The following NRG1 variants were observed in gnomAD, a reference collection of about 807,000 sequenced individuals.
NRG1 encodes the protein pro-neuregulin-1, membrane-bound isoform.
In NRG1, 18 loss-of-function variants were observed where a neutral mutation model predicts 63.8. The ratio of observed to expected loss-of-function variants is 0.28; its 90% confidence interval spans 0.19 to 0.42. The LOEUF (loss-of-function observed/expected upper bound fraction) is 0.42. Among genes scored for constraint, NRG1 ranks in the 10% least tolerant of loss-of-function variants. The probability of loss-of-function intolerance (pLI) is 1.00; values close to 1 mark genes in which losing one functional copy is unlikely to be tolerated. For synonymous variants in NRG1, 302 were observed against 301.3 expected (o/e 1.00, Z -0.02); for missense variants, 762 against 814.7 (o/e 0.94, Z 0.79).
At chr8:31,899,943 A>G (rs973969661) in intron 1 of NRG1, among the ~76,000 whole-genome samples, 1 of 152,186 alleles carries the variant, frequency 6.6e-6, no homozygotes, top group South Asian at 2.1e-4. Context: ...TTTATCTCCA[A>G]TGGGTCTTTG....
chr8:32,380,876 A>C (rs1401387497), intron 1 of NRG1, among the ~76,000 whole-genome samples: 1 of 152,194 alleles, frequency 6.6e-6, no homozygotes, highest in African/African-American at 2.4e-5. Flanking sequence ...TGGGATATCC[A>C]TCACCTTTTA....
chr8:32,737,057 G>A (rs1825252523), intron 6 of NRG1, among the ~76,000 whole-genome samples: 1 of 152,250 alleles, frequency 6.6e-6, no homozygotes, highest in South Asian at 2.1e-4. Context: ...TTATACTGGT[G>A]CTGGGCAGAA....
At chr8:32,514,162 T>A (rs920104656) in intron 1 of NRG1, among the ~76,000 whole-genome samples, 4 of 150,394 alleles carry the variant, frequency 2.7e-5, no homozygotes, top group Non-Finnish European at 5.9e-5. Context: ...CAAAGAAAAA[T>A]TGTTGTAAAC....
At position 31,791,489 on chromosome 8, in the gene NRG1, G is replaced by A. The variant is rs543990576; in HGVS notation, c.37+152058G>A. The stretch of plus-strand genomic sequence containing the variant: ...TTAAACATATTCCTTCAAGATAAAC[G>A]TTCAATATTTATTCTGCCTTTCTTG... On this transcript the variant is annotated intron_variant, in intron 1 of 10. Transcript: ENST00000519301. 1.8e-4 allele frequency among the ~76,000 whole-genome samples: 27 copies of A among 152,152 alleles called. No individual in the cohort carries two copies. In the East Asian group the frequency reaches 5.0e-3, roughly 28 times the overall value.
chr8:32,405,982 T>C (rs555470160), intron 1 of NRG1, among the ~76,000 whole-genome samples: 6 of 152,254 alleles, frequency 3.9e-5, no homozygotes, highest in African/African-American at 1.4e-4. Flanking sequence ...AAATAAAATA[T>C]TTTAGGTAAT....
At chr8:32,212,496 T>C (rs767717215) in intron 1 of NRG1, among the ~76,000 whole-genome samples, 1 of 152,168 alleles carries the variant, frequency 6.6e-6, no homozygotes, top group Non-Finnish European at 1.5e-5. Context: ...TTAATTTTAA[T>C]TTAAAGATAA....
At chr8:31,668,395 C>T (rs1806768671) in intron 1 of NRG1, among the ~76,000 whole-genome samples, 1 of 152,176 alleles carries the variant, frequency 6.6e-6, no homozygotes, top group African/African-American at 2.4e-5. Flanking sequence ...TATATCCCCC[C>T]AGATGTTTTT....
exon 12 of NRG1, chr8:32,765,309 G>A: frequency 6.6e-6 from 1 of 152,156 alleles, no homozygotes; most frequent in East Asian, 1.9e-4. Flanking sequence ...CACTGATTTT[G>A]AAGCTAGTGA....
chr8:32,372,373 C>A (rs1190155648), intron 1 of NRG1, among the ~76,000 whole-genome samples: 2 of 151,920 alleles, frequency 1.3e-5, no homozygotes, highest in African/African-American at 4.8e-5. Context: ...TTAACAAGTT[C>A]TCTGCCCTTC....
intron 3 of NRG1, among the ~76,000 whole-genome samples, chr8:32,611,317 A>G (rs1055944028): frequency 2.0e-5 from 3 of 152,124 alleles, no homozygotes; most frequent in African/African-American, 7.2e-5. Context: ...GCTTTTAAAA[A>G]TAGACTCATA....
At chr8:32,164,201 C>T (rs1451216740) in intron 1 of NRG1, among the ~76,000 whole-genome samples, 3 of 151,056 alleles carry the variant, frequency 2.0e-5, no homozygotes, top group Non-Finnish European at 2.9e-5. Flanking sequence ...ATGTCATCAG[C>T]TATAAGCACC....
intron 2 of NRG1, among the ~76,000 whole-genome samples, chr8:32,597,382 T>C (rs1843543985): frequency 6.6e-6 from 1 of 152,184 alleles, no homozygotes; most frequent in Non-Finnish European, 1.5e-5. Flanking sequence ...TTTTATTAGC[T>C]ACATACTTTA....
chr8:32,369,836 A>G (rs1371424259), intron 1 of NRG1, among the ~76,000 whole-genome samples: 1 of 152,190 alleles, frequency 6.6e-6, no homozygotes. Flanking sequence ...GCAACCTGTC[A>G]TATTGGGACT....
At chr8:32,247,378 A>G (rs138527060) in intron 1 of NRG1, among the ~76,000 whole-genome samples, 1 of 152,188 alleles carries the variant, frequency 6.6e-6, no homozygotes, top group African/African-American at 2.4e-5. Flanking sequence ...TGTCCTAGGG[A>G]AGGTTAAGCA....
intron 1 of NRG1, among the ~76,000 whole-genome samples, chr8:32,150,191 GA>G (rs5890626): frequency 0.44 from 67,388 of 151,690 alleles, 16,869 homozygotes; most frequent in Admixed American, 0.57. Context: ...TACATGAAGG[GA>G]AAAAAAACCC....
intron 1 of NRG1, among the ~76,000 whole-genome samples, chr8:32,242,858 T>A (rs1322723818): frequency 6.6e-6 from 1 of 152,214 alleles, no homozygotes; most frequent in East Asian, 1.9e-4. Flanking sequence ...TGCTCAAGGT[T>A]ATCCAGTGTA....
At chr8:32,743,143 G>A (rs2129040795) in intron 7 of NRG1, 1 of 993,938 alleles carries the variant, frequency 1.0e-6, no homozygotes, top group Non-Finnish European at 1.2e-6. Flanking sequence ...TTGCTAAGCT[G>A]TAACCGATAT....
At chr8:32,234,340 C>A (rs1443025574) in intron 1 of NRG1, among the ~76,000 whole-genome samples, 1 of 152,140 alleles carries the variant, frequency 6.6e-6, no homozygotes, top group South Asian at 2.1e-4. Flanking sequence ...TGGCTAGATA[C>A]TCTGCATTTA....
chr8:32,176,775 G>C (rs1246509028), intron 1 of NRG1, among the ~76,000 whole-genome samples: 1 of 152,108 alleles, frequency 6.6e-6, no homozygotes, highest in Non-Finnish European at 1.5e-5. Flanking sequence ...AAACCACAAT[G>C]AGATACCATC....
Sources: gnomAD v4.1 joint callset for allele counts (sites outside exome capture counted in the v4.1 genomes callset) on GRCh38, gnomAD v4.1.1 for gene constraint, MANE v1.5 for transcripts, NCBI Gene and HGNC (gene_info 2026-07-23, HGNC 2026-07-21) for gene names.